The following PKHD1 variants were observed in gnomAD, a reference collection of about 807,000 sequenced individuals.
PKHD1 encodes PKHD1 ciliary IPT domain containing fibrocystin/polyductin.
In PKHD1, 291 loss-of-function variants were observed where a neutral mutation model predicts 412.0. The ratio of observed to expected loss-of-function variants is 0.71; its 90% CI spans 0.64 to 0.78. PKHD1 has a LOEUF of 0.78. Ranked by LOEUF, PKHD1 falls within the 30% of genes least tolerant of loss-of-function variation. The pLI is 0.00. For missense variants in PKHD1, 4,825 were observed against 4,950.7 expected, an observed-to-expected ratio of 0.97 and a Z score of 0.76; for synonymous variants, 1,777 against 1,821.5, an observed-to-expected ratio of 0.98 and a Z score of 0.62.
chr6:51,964,408 CA>C lies in PKHD1; in HGVS notation c.5752-4383del, dbSNP rs897518959. 4.8e-4 allele frequency among the ~76,000 whole-genome samples: 73 copies of C among 152,226 alleles called. 1 individual carries two copies. Among genetic ancestry groups the C allele is most frequent in the African/African-American group, 1.7e-3 (72 of 41,560 alleles). On this transcript the variant is annotated intron_variant, in intron 35 of 66. Coordinates refer to ENST00000371117, the MANE Select transcript of PKHD1 (RefSeq NM_138694.4). ...CCAAAATGTCTTCTTCCTCAGCATC[CA>C]AATCCTGGAAATAGGAAAAGACAAG...
chr6:51,710,573 C>A (rs920834333), intron 60 of PKHD1, among the ~76,000 whole-genome samples: 39 of 152,132 alleles, frequency 2.6e-4, no homozygotes, highest in Non-Finnish European at 4.3e-4. Flanking sequence ...ATTTCCTTTT[C>A]ACTTCTCTAA....
chr6:51,989,826 T>C (rs1240508466), intron 35 of PKHD1, among the ~76,000 whole-genome samples: 1 of 137,276 alleles, frequency 7.3e-6, no homozygotes, highest in Non-Finnish European at 1.5e-5. Flanking sequence ...TCTGTCTTAA[T>C]TTTTTTTAAA....
At chr6:51,832,498 A>T (rs1768438100) in intron 51 of PKHD1, among the ~76,000 whole-genome samples, 1 of 152,060 alleles carries the variant, frequency 6.6e-6, no homozygotes, top group Non-Finnish European at 1.5e-5. Flanking sequence ...GAAAGATAAT[A>T]AAGGTGGAGG....
At chr6:52,042,691 C>T (rs992289651) in intron 27 of PKHD1, among the ~76,000 whole-genome samples, 168 bp downstream of exon 27, 1 of 152,154 alleles carries the variant, frequency 6.6e-6, no homozygotes, top group African/African-American at 2.4e-5. Flanking sequence ...CAAGTGAGTT[C>T]ATTTAAGGGC....
intron 48 of PKHD1, among the ~76,000 whole-genome samples, chr6:51,856,808 G>A (rs568093179): frequency 6.6e-6 from 1 of 152,292 alleles, no homozygotes; most frequent in East Asian, 1.9e-4. Context: ...AGTTAGAGGT[G>A]TTTTCCCCTT....
intron 52 of PKHD1, among the ~76,000 whole-genome samples, chr6:51,802,704 G>A (rs961472158): frequency 2.6e-5 from 4 of 151,360 alleles, no homozygotes; most frequent in African/African-American, 9.8e-5. Flanking sequence ...CCTGAACGGT[G>A]CTGTTTAGGC....
intron 21 of PKHD1, among the ~76,000 whole-genome samples, chr6:52,050,768 G>C (rs1411157759): frequency 2.0e-5 from 3 of 152,086 alleles, no homozygotes; most frequent in Admixed American, 6.5e-5. Context: ...GTGCAGAAAG[G>C]GTGCAAGCTT....
At chr6:51,959,104 G>A (rs192524996) in intron 36 of PKHD1, among the ~76,000 whole-genome samples, 37 of 152,170 alleles carry the variant, frequency 2.4e-4, no homozygotes, top group Admixed American at 2.3e-3. Flanking sequence ...AAGGATGAAT[G>A]TTTGTGTGTT....
intron 12 of PKHD1, 116 bp downstream of exon 12, chr6:52,065,860 G>A (rs1809615079): frequency 1.4e-6 from 1 of 708,160 alleles, no homozygotes. Flanking sequence ...TATCAAACAT[G>A]ATGAGTCAGA....
intron 60 of PKHD1, among the ~76,000 whole-genome samples, chr6:51,722,888 C>T (rs970782219): frequency 8.5e-5 from 13 of 152,148 alleles, no homozygotes; most frequent in Admixed American, 8.5e-4. Flanking sequence ...AGGACCTCTG[C>T]AAAGTCTCCT....
intron 11 of PKHD1, 68 bp downstream of exon 11, chr6:52,069,389 A>T (rs1810245324): frequency 8.9e-7 from 1 of 1,121,976 alleles, no homozygotes; most frequent in Non-Finnish European, 1.4e-6. Flanking sequence ...TGGCCAAAAG[A>T]TAGGGAAGGA....
intron 52 of PKHD1, among the ~76,000 whole-genome samples, chr6:51,793,312 C>T (rs1325341007): frequency 1.3e-5 from 2 of 152,122 alleles, no homozygotes; most frequent in Admixed American, 6.5e-5. Context: ...TTTGTAAAAA[C>T]AAGAGGGTTT....
At chr6:51,860,789 C>A (rs1425953776) in intron 48 of PKHD1, among the ~76,000 whole-genome samples, 1 of 151,830 alleles carries the variant, frequency 6.6e-6, no homozygotes, top group Non-Finnish European at 1.5e-5. Flanking sequence ...AATGTTTGTT[C>A]TTTTTTATTT....
intron 60 of PKHD1, among the ~76,000 whole-genome samples, chr6:51,690,850 C>T (rs1778073394): frequency 6.6e-6 from 1 of 152,020 alleles, no homozygotes; most frequent in Non-Finnish European, 1.5e-5. Flanking sequence ...TGCACAGAAA[C>T]AGAAAATACC....
At chr6:52,001,816 A>C (rs1798436373) in intron 35 of PKHD1, among the ~76,000 whole-genome samples, 2 of 152,194 alleles carry the variant, frequency 1.3e-5, no homozygotes, top group African/African-American at 4.8e-5. Context: ...AGCCTCTTTC[A>C]CACGGCAAGT....
chr6:51,802,565 C>T (rs1763097150), intron 52 of PKHD1, among the ~76,000 whole-genome samples: 1 of 151,444 alleles, frequency 6.6e-6, no homozygotes, highest in South Asian at 2.1e-4. Context: ...ACTTATTTTC[C>T]TATGTGGGTT....
chr6:51,724,360 C>G lies in PKHD1; in HGVS notation c.10156+20025G>C, dbSNP rs377302914. On this transcript the variant is annotated intron_variant, in intron 60 of 66. Transcript: ENST00000371117. ...TACTACTCCTCTAAACTGCCTATAG[C>G]CCCTCATACCACTCTTTCCTATAAA... Among the ~76,000 whole-genome samples the G allele has an allele frequency of 2.6e-5, 4 of 152,136 alleles. No individual in the cohort carries two copies. In the East Asian group the frequency reaches 5.8e-4, roughly 22 times the overall value.
At chr6:51,642,848 G>A (rs890880960) in intron 63 of PKHD1, among the ~76,000 whole-genome samples, 5 of 151,824 alleles carry the variant, frequency 3.3e-5, no homozygotes, top group Non-Finnish European at 5.9e-5. Context: ...TCAAAAAAAA[G>A]TAAGGTATGG....
intron 60 of PKHD1, chr6:51,722,122 T>C (rs1782001354): frequency 1.9e-6 from 3 of 1,588,928 alleles, no homozygotes; most frequent in East Asian, 4.5e-5. Context: ...TGCATCCAAA[T>C]GAAAATACCC....
Sources: gnomAD v4.1 joint callset for allele counts (sites outside exome capture counted in the v4.1 genomes callset) on GRCh38, gnomAD v4.1.1 for gene constraint, MANE v1.5 for transcripts, NCBI Gene and HGNC (gene_info 2026-07-23, HGNC 2026-07-21) for gene names.